FSTL4: variants seen among roughly 807,000 people sequenced by gnomAD.
FSTL4 encodes follistatin like 4.
FSTL4 carries 28 observed loss-of-function variants against 78.2 expected under a neutral mutation model. The observed-to-expected ratio is 0.36, with a 90% CI of 0.27 to 0.49. The LOEUF (loss-of-function observed/expected upper bound fraction) is 0.49, where lower values mean the gene tolerates loss of function less well. Ranked by LOEUF, FSTL4 falls within the 20% of genes least tolerant of loss-of-function variation. The pLI, the probability that FSTL4 is intolerant of heterozygous loss-of-function variation, is 0.98. For missense variants in FSTL4, 922 were observed against 1,084.9 expected (o/e 0.85, Z 2.11); for synonymous variants, 422 against 440.5 (o/e 0.96, Z 0.53).
At chr5:133,653,437 G>C in the FSTL4 span, among the ~76,000 whole-genome samples, 1 of 152,184 alleles carries the variant, frequency 6.6e-6, no homozygotes, top group Non-Finnish European at 1.5e-5. Flanking sequence ...CCGTGTGAAA[G>C]CTAGCTCTGG....
chr5:133,724,574 G>T, the FSTL4 span, among the ~76,000 whole-genome samples: 1 of 151,906 alleles, frequency 6.6e-6, no homozygotes, highest in East Asian at 1.9e-4. Flanking sequence ...TTTTAAATGG[G>T]GTTGTCTCTG....
rs1049309527 is a variant in FSTL4 at position 133,611,752 on chromosome 5, A to G, written c.-11+573T>C. Among the ~76,000 whole-genome samples the G allele has an allele frequency of 1.3e-5, 2 of 152,138 alleles. No homozygotes were observed. The highest frequency in any genetic ancestry group is 4.8e-5 in the African/African-American group (2 of 41,448). ...ACATGCGGCGGACCCCGGGGAAGCC[A>G]GGGCCAGGCGAAGCGCAGCGGGCCC... On this transcript the variant is annotated intron_variant, in intron 1 of 15. Transcript: ENST00000265342. The surrounding 1 kb of genome is among the most constrained non-coding windows in gnomAD (Gnocchi z 4.9).
the FSTL4 span, among the ~76,000 whole-genome samples, chr5:133,699,076 C>T: frequency 6.6e-6 from 1 of 152,120 alleles, no homozygotes; most frequent in African/African-American, 2.4e-5. Context: ...GGTCAGGGCC[C>T]ACTACAACCC....
At chr5:133,492,875 C>G (rs1698441577) in intron 3 of FSTL4, among the ~76,000 whole-genome samples, 1 of 151,812 alleles carries the variant, frequency 6.6e-6, no homozygotes, top group African/African-American at 2.4e-5. Context: ...AATATTTTCT[C>G]TTAATATCTG....
intron 4 of FSTL4, among the ~76,000 whole-genome samples, chr5:133,369,849 A>G (rs1755254561): frequency 6.6e-6 from 1 of 152,210 alleles, no homozygotes; most frequent in African/African-American, 2.4e-5. Context: ...CACTCCAGAT[A>G]GTCTCAGAGC....
chr5:133,490,889 C>T (rs1758252916), intron 3 of FSTL4, among the ~76,000 whole-genome samples: 1 of 152,076 alleles, frequency 6.6e-6, no homozygotes, highest in Non-Finnish European at 1.5e-5. Context: ...TTTCAAATAT[C>T]CAGTTTTTAT....
At chr5:133,789,755 G>A in the FSTL4 span, among the ~76,000 whole-genome samples, 4 of 152,318 alleles carry the variant, frequency 2.6e-5, no homozygotes, top group East Asian at 7.7e-4. Flanking sequence ...ATCCAGGCTA[G>A]TAGATGACCA....
chr5:133,434,654 G>A (rs1171094520), intron 3 of FSTL4, among the ~76,000 whole-genome samples: 2 of 152,030 alleles, frequency 1.3e-5, no homozygotes, highest in African/African-American at 4.8e-5. Flanking sequence ...TGAATCAAAA[G>A]CATGTTTAAA....
At chr5:133,328,163 C>T (rs192389760) in intron 4 of FSTL4, among the ~76,000 whole-genome samples, 121 of 152,338 alleles carry the variant, frequency 7.9e-4, no homozygotes, top group Non-Finnish European at 1.2e-3. Flanking sequence ...CCTGGTTCCC[C>T]GGCTGTGCTG....
At chr5:133,438,830 G>A (rs1290169590) in intron 3 of FSTL4, among the ~76,000 whole-genome samples, 1 of 152,222 alleles carries the variant, frequency 6.6e-6, no homozygotes, top group African/African-American at 2.4e-5. Context: ...GGTCTGAGGA[G>A]GAGTTAGGGA....
At chr5:133,340,167 C>T (rs1296229000) in intron 4 of FSTL4, among the ~76,000 whole-genome samples, 2 of 152,186 alleles carry the variant, frequency 1.3e-5, no homozygotes, top group Non-Finnish European at 2.9e-5. Flanking sequence ...CCTCATCTGT[C>T]AAATGGGGCT....
chr5:133,751,965 C>T, the FSTL4 span, among the ~76,000 whole-genome samples: 1 of 152,184 alleles, frequency 6.6e-6, no homozygotes, highest in Admixed American at 6.5e-5. Context: ...CATCCCTTCT[C>T]CACCGTCTCT....
chr5:133,537,570 A>G (rs1759373909), intron 3 of FSTL4, among the ~76,000 whole-genome samples: 1 of 152,062 alleles, frequency 6.6e-6, no homozygotes, highest in South Asian at 2.1e-4. Flanking sequence ...TCAAATTTTC[A>G]TATTGTTTAT....
At chr5:133,643,386 G>C in the FSTL4 span, among the ~76,000 whole-genome samples, 10 of 152,292 alleles carry the variant, frequency 6.6e-5, no homozygotes, top group African/African-American at 2.4e-4. Flanking sequence ...GGGAAGAAAA[G>C]GCACAGTGGC....
intron 7 of FSTL4, among the ~76,000 whole-genome samples, chr5:133,239,808 AC>A: frequency 6.6e-6 from 1 of 152,132 alleles, no homozygotes; most frequent in Non-Finnish European, 1.5e-5. Flanking sequence ...TCTAGTGGGG[AC>A]CGTGGAGAAC....
At chr5:133,383,767 C>T (rs1755633923) in intron 4 of FSTL4, among the ~76,000 whole-genome samples, 1 of 152,190 alleles carries the variant, frequency 6.6e-6, no homozygotes, top group Non-Finnish European at 1.5e-5. Context: ...TACCCAGATT[C>T]CCATGTCTTT....
intron 8 of FSTL4, among the ~76,000 whole-genome samples, chr5:133,226,534 G>A (rs1156674243): frequency 3.3e-5 from 5 of 152,194 alleles, no homozygotes; most frequent in Admixed American, 3.3e-4. Flanking sequence ...ATGAGGGTCT[G>A]GAGGACCCTC....
intron 6 of FSTL4, among the ~76,000 whole-genome samples, chr5:133,296,717 G>C (rs972849877): frequency 6.6e-6 from 1 of 152,114 alleles, no homozygotes; most frequent in Non-Finnish European, 1.5e-5. Flanking sequence ...CTGTGTTGCT[G>C]TTCTCAAAAG....
chr5:133,220,928 C>T (rs746883569), intron 11 of FSTL4, 62 bp from the exon 12 acceptor site: 25 of 942,352 alleles, frequency 2.7e-5, no homozygotes, highest in South Asian at 1.2e-4. Flanking sequence ...CAGGGTCACA[C>T]GCAGCATTGA....
Sources: allele counts gnomAD v4.1 joint callset (sites outside exome capture counted in the v4.1 genomes callset), GRCh38; gene constraint gnomAD v4.1.1; non-coding constraint Gnocchi (gnomAD v3.1); transcripts MANE v1.5; gene names NCBI Gene and HGNC (gene_info 2026-07-23, HGNC 2026-07-21).